The following SASH1 variants were observed in gnomAD, a reference collection of about 807,000 sequenced individuals.
SASH1 encodes SAM and SH3 domain containing 1.
In SASH1, 44 loss-of-function variants were observed where a neutral mutation model predicts 125.2. The observed-to-expected ratio is 0.35, with a 90% confidence interval of 0.28 to 0.45. The LOEUF is 0.45. SASH1 is among the 20% of genes least tolerant of loss of function. The pLI, the probability that SASH1 is intolerant of heterozygous loss-of-function variation, is 1.00. For missense variants in SASH1, 1,426 were observed against 1,614.5 expected (o/e 0.88, Z 2.00); for synonymous variants, 639 against 649.1 (o/e 0.98, Z 0.24).
rs571658123 is a variant in SASH1 at position 148,505,804 on chromosome 6, A to G, written c.730-8520A>G. 2.0e-5 allele frequency among the ~76,000 whole-genome samples: 3 copies of G among 151,276 alleles called. No homozygotes were observed. In the East Asian group the frequency reaches 5.9e-4, roughly 30 times the overall value. ...AGGCATGTGCCACCACACATGGCTA[A>G]TTTCTGTATTTTTAGTAGAGACGGG... On this transcript the variant is annotated intron_variant, in intron 8 of 19. Coordinates refer to ENST00000367467, the MANE Select transcript of SASH1 (RefSeq NM_015278.5).
rs1457226392 is a variant in SASH1 at position 148,387,587 on chromosome 6, T to G, written c.157-2547T>G. ...TTTTCTCTTTCTTTCTTTCTTTCTT[T>G]CTTTCTTTCTTTCTTTCTTTCTTTC... On this transcript the variant is annotated intron_variant, in intron 1 of 19. Coordinates refer to ENST00000367467, the MANE Select transcript of SASH1 (RefSeq NM_015278.5). Among the ~76,000 whole-genome samples, 2 of 7,340 alleles carry G rather than the reference T, an allele frequency of 2.7e-4. 1 individual carries two copies. Among genetic ancestry groups the G allele is most frequent in the Non-Finnish European group, 4.9e-4 (2 of 4,098 alleles). The allele number at this position is 7,340 out of a possible 152,430, so 4.8% of individuals were successfully genotyped here.
At chr6:148,410,233 C>T (rs372071773) in intron 2 of SASH1, among the ~76,000 whole-genome samples, 3 of 148,714 alleles carry the variant, frequency 2.0e-5, no homozygotes, top group East Asian at 2.1e-4. Context: ...GCCTCAGCCT[C>T]GTGAGTAGCT....
intron 2 of SASH1, among the ~76,000 whole-genome samples, chr6:148,438,332 G>A (rs984910938): frequency 2.0e-5 from 3 of 152,128 alleles, no homozygotes; most frequent in Admixed American, 6.6e-5. Context: ...AATTGTGATT[G>A]GTCTGTAAGC....
chr6:148,272,189 G>T, upstream of SASH1: 1 of 256,644 alleles, frequency 3.9e-6, no homozygotes, highest in Admixed American at 4.0e-5. Flanking sequence ...TCCTGAAGGC[G>T]ATTTGTTTTA....
At chr6:148,445,168 C>T (rs1452475105) in intron 4 of SASH1, among the ~76,000 whole-genome samples, 1 of 152,172 alleles carries the variant, frequency 6.6e-6, no homozygotes, top group Non-Finnish European at 1.5e-5. Flanking sequence ...TTACTGCATC[C>T]TGTTTTATCG....
intron 1 of SASH1, among the ~76,000 whole-genome samples, chr6:148,349,256 T>TTTTTC (rs1781631689): frequency 8.8e-6 from 1 of 113,004 alleles, no homozygotes; most frequent in African/African-American, 4.2e-5. Context: ...TTCTTTCTTT[T>TTTTTC]TTTTTTTTTT....
the SASH1 span, among the ~76,000 whole-genome samples, chr6:148,260,716 T>C: frequency 6.6e-6 from 1 of 151,504 alleles, no homozygotes; most frequent in African/African-American, 2.4e-5. Flanking sequence ...GCATGTGATA[T>C]ATAAATATAA....
At chr6:148,224,358 C>T in the SASH1 span, among the ~76,000 whole-genome samples, 2 of 147,402 alleles carry the variant, frequency 1.4e-5, no homozygotes, top group African/African-American at 5.2e-5. Context: ...AGAGAGGCTT[C>T]CCCCCAGCCT....
At chr6:148,326,390 T>A (rs1780827146) in intron 1 of SASH1, among the ~76,000 whole-genome samples, 10 of 79,982 alleles carry the variant, frequency 1.3e-4, no homozygotes, top group African/African-American at 4.7e-4. Flanking sequence ...TTTTCTTTTC[T>A]TTTCTTTTCT....
At chr6:148,421,149 G>GGAAGGAAGGAAGGAAGGAAGA (rs1562396374) in intron 2 of SASH1, among the ~76,000 whole-genome samples, 1,076 of 67,358 alleles carry the variant, frequency 0.016, 32 homozygotes, top group Non-Finnish European at 0.025. Context: ...AAGGAAGGAA[G>GGAAGGAAGGAAGGAAGGAAGA]AAAGAAAGAA....
intron 5 of SASH1, among the ~76,000 whole-genome samples, chr6:148,469,863 T>C (rs769675487): frequency 1.3e-5 from 2 of 151,780 alleles, no homozygotes; most frequent in African/African-American, 2.4e-5. Context: ...TCATCTCTAC[T>C]AAGAATACAA....
intron 1 of SASH1, among the ~76,000 whole-genome samples, chr6:148,346,134 C>A (rs1781512718): frequency 6.6e-6 from 1 of 152,162 alleles, no homozygotes; most frequent in African/African-American, 2.4e-5. Flanking sequence ...TGACAAAACT[C>A]ACAGCTTAGT....
intron 7 of SASH1, among the ~76,000 whole-genome samples, chr6:148,477,011 T>A (rs1461045415): frequency 6.6e-6 from 1 of 152,192 alleles, no homozygotes; most frequent in African/African-American, 2.4e-5. Flanking sequence ...TGGATATTCA[T>A]AGGCAGAAGA....
rs920669932 is a variant in SASH1, at chr6:148,532,238, G to A, written c.1565-559G>A. Reference sequence around the variant, plus strand: ...ACTACAGGGTCATGCCACCACACCCGGCTAATTTTGTTGTAGAGACGGGGT... The same window carrying A: ...ACTACAGGGTCATGCCACCACACCCAGCTAATTTTGTTGTAGAGACGGGGT... On this transcript the variant is annotated intron_variant, in intron 13 of 19. Coordinates refer to ENST00000367467, the MANE Select transcript of SASH1 (RefSeq NM_015278.5). This position sits in a 1 kb window ranked among gnomAD's most constrained non-coding sequence, Gnocchi z 4.7. Among the ~76,000 whole-genome samples the A allele has an allele frequency of 5.9e-5, 9 of 151,914 alleles. No homozygotes were observed. Among genetic ancestry groups the A allele is most frequent in the Non-Finnish European group, 1.0e-4 (7 of 67,994 alleles).
intron 5 of SASH1, among the ~76,000 whole-genome samples, chr6:148,470,056 GAAAAGA>G (rs1778028231): frequency 6.6e-6 from 1 of 151,046 alleles, no homozygotes; most frequent in African/African-American, 2.4e-5. Context: ...GAAAAAGAAA[GAAAAGA>G]AAAAAGAAAG....
chr6:148,494,203 T>C (rs1256615881), intron 8 of SASH1, among the ~76,000 whole-genome samples: 1 of 152,194 alleles, frequency 6.6e-6, no homozygotes, highest in African/African-American at 2.4e-5. Context: ...TGAAAGGTCA[T>C]TTGATGGCAA....
At chr6:148,514,579 G>A (rs1345745919) in intron 9 of SASH1, 123 bp downstream of exon 9, 22 of 1,210,126 alleles carry the variant, frequency 1.8e-5, no homozygotes, top group Non-Finnish European at 2.2e-5. Context: ...AATGCATTGA[G>A]CTCTGGCTGA....
chr6:148,446,266 G>A (rs1218526434), intron 4 of SASH1, among the ~76,000 whole-genome samples: 5 of 151,928 alleles, frequency 3.3e-5, no homozygotes, highest in African/African-American at 7.2e-5. Flanking sequence ...CCGCCATCAT[G>A]CCCAGCTAAT....
At chr6:148,449,678 C>T (rs1006128971) in intron 4 of SASH1, among the ~76,000 whole-genome samples, 2 of 152,114 alleles carry the variant, frequency 1.3e-5, no homozygotes, top group Non-Finnish European at 2.9e-5. Context: ...TGAGCCACTG[C>T]GCCCAGTCGG....
Sources: allele counts gnomAD v4.1 joint callset (sites outside exome capture counted in the v4.1 genomes callset), GRCh38; gene constraint gnomAD v4.1.1; non-coding constraint Gnocchi (gnomAD v3.1); transcripts MANE v1.5; gene names NCBI Gene and HGNC (gene_info 2026-07-23, HGNC 2026-07-21).